Variants in DGKB observed in about 807,000 individuals in gnomAD.
DGKB encodes the protein diacylglycerol kinase beta.
DGKB carries 67 observed loss-of-function variants against 114.3 expected under a neutral mutation model. The observed-to-expected ratio is 0.59, with a 90% CI of 0.48 to 0.72. The LOEUF (loss-of-function observed/expected upper bound fraction) is 0.72. Ranked by LOEUF, DGKB falls within the 30% of genes least tolerant of loss-of-function variation. The pLI, the probability that DGKB is intolerant of heterozygous loss-of-function variation, is 0.00. For missense variants in DGKB, 907 were observed against 975.2 expected (o/e 0.93, Z 0.93); for synonymous variants, 398 against 323.1 (o/e 1.23, Z -2.49).
At chr7:14,284,014 G>A (rs1162586143) in intron 23 of DGKB, among the ~76,000 whole-genome samples, 2 of 152,144 alleles carry the variant, frequency 1.3e-5, no homozygotes, top group African/African-American at 2.4e-5. Context: ...ATTGACAAAT[G>A]GGGTCTAATT....
intron 23 of DGKB, among the ~76,000 whole-genome samples, chr7:14,207,108 A>G (rs578104100): frequency 2.0e-5 from 3 of 152,092 alleles, no homozygotes; most frequent in African/African-American, 7.2e-5. Flanking sequence ...AGCAACTTCT[A>G]TGTTTCAGGA....
rs140365576 is a variant in DGKB at position 14,552,307 on chromosome 7, ACTT to A, written c.1770+21902_1770+21904del. On this transcript the variant is annotated intron_variant, in intron 20 of 25. Transcript: ENST00000402815. The stretch of plus-strand genomic sequence containing the variant: ...ATTTGTGGAATAAACTAATAAATGA[ACTT>A]CTCTGTGATTAAAATATCAAGGAGC... 1.7e-3 allele frequency among the ~76,000 whole-genome samples: 256 copies of A among 152,278 alleles called. 1 individual carries two copies. The highest frequency in any genetic ancestry group is 5.9e-3 in the African/African-American group (247 of 41,550).
intron 2 of DGKB, chr7:14,816,449 A>C (rs1371289224): frequency 1.3e-5 from 2 of 152,226 alleles, no homozygotes; most frequent in Non-Finnish European, 2.9e-5. Flanking sequence ...GAATCCTGGA[A>C]GTTATTGAAA....
Position 14,307,066 on chromosome 7 carries a change from A to G in DGKB, c.2122+31449T>C, listed in dbSNP as rs867310255. Among the ~76,000 whole-genome samples the G allele has an allele frequency of 7.1e-5, 10 of 140,072 alleles. No homozygotes were observed. In the Middle Eastern group the frequency reaches 0.011, roughly 148 times the overall value. 91.9% of individuals were successfully genotyped at this position (140,072 alleles called of 152,430 possible). On this transcript the variant is annotated intron_variant, in intron 23 of 25. Transcript: ENST00000402815. ...ATAGCACTTATCATACTTTATTATA[A>G]TTACCAACTTAATTTTCTTTTCCAC...
chr7:14,209,342 C>G (rs182919997), intron 23 of DGKB: 1 of 403,574 alleles, frequency 2.5e-6, no homozygotes, highest in African/African-American at 2.1e-5. Flanking sequence ...GAGATATATA[C>G]GACAAGATTG....
chr7:14,310,566 G>C (rs1165394528), intron 23 of DGKB, among the ~76,000 whole-genome samples: 1 of 152,156 alleles, frequency 6.6e-6, no homozygotes, highest in Non-Finnish European at 1.5e-5. Context: ...GGATAATCAG[G>C]AGGTTAAGGC....
At chr7:14,391,883 A>G (rs1390945000) in intron 21 of DGKB, among the ~76,000 whole-genome samples, 2 of 152,180 alleles carry the variant, frequency 1.3e-5, no homozygotes, top group African/African-American at 4.8e-5. Context: ...AGACTTTACT[A>G]ATCATATGAA....
At chr7:14,456,377 G>A (rs1832288271) in intron 21 of DGKB, among the ~76,000 whole-genome samples, 1 of 152,002 alleles carries the variant, frequency 6.6e-6, no homozygotes, top group Admixed American at 6.6e-5. Context: ...TATAATATAA[G>A]CTAAAAAACA....
At chr7:14,964,283 T>C (rs888998849) in intron 1 of DGKB, among the ~76,000 whole-genome samples, 5 of 152,132 alleles carry the variant, frequency 3.3e-5, no homozygotes, top group African/African-American at 1.2e-4. Flanking sequence ...GACAGGCAGA[T>C]GGCTTGAGCT....
intron 21 of DGKB, among the ~76,000 whole-genome samples, chr7:14,359,279 A>T (rs1197300339): frequency 2.0e-5 from 3 of 152,164 alleles, no homozygotes; most frequent in Non-Finnish European, 4.4e-5. Flanking sequence ...AGAAAGCGGA[A>T]ACTGGATCCC....
intron 20 of DGKB, among the ~76,000 whole-genome samples, chr7:14,535,279 G>A (rs559165970): frequency 6.6e-6 from 1 of 151,978 alleles, no homozygotes; most frequent in South Asian, 2.1e-4. Context: ...TGAGGCAGCA[G>A]GATTGCTTGA....
At position 14,445,081 on chromosome 7, in the gene DGKB, G is replaced by T. The variant is rs563701206; in HGVS notation, c.1835+33080C>A. Among the ~76,000 whole-genome samples, 16 of 151,764 alleles carry T rather than the reference G, an allele frequency of 1.1e-4. No homozygotes were observed. In the South Asian group the frequency reaches 3.3e-3, roughly 31 times the overall value. The stretch of plus-strand genomic sequence containing the variant: ...CTGTACCACTATTGTTCCCACCTCG[G>T]TCACTTATATATTCTCATTCTTTCT... On this transcript the variant is annotated intron_variant, in intron 21 of 25. Coordinates refer to ENST00000402815, the MANE Select transcript of DGKB (RefSeq NM_001350709.2).
At chr7:14,773,961 G>T (rs740886) in intron 2 of DGKB, among the ~76,000 whole-genome samples, 13,831 of 152,178 alleles carry the variant, frequency 0.091, 865 homozygotes, top group Middle Eastern at 0.17. Flanking sequence ...TTTCCTGAGG[G>T]TGTGGCTTTT....
intron 1 of DGKB, among the ~76,000 whole-genome samples, chr7:14,873,923 T>C (rs1241128043): frequency 6.6e-6 from 1 of 152,114 alleles, no homozygotes; most frequent in Non-Finnish European, 1.5e-5. Context: ...GTATAAAATA[T>C]GGAATAACAA....
intron 15 of DGKB, among the ~76,000 whole-genome samples, chr7:14,619,305 T>A (rs961398137): frequency 4.6e-5 from 7 of 151,632 alleles, no homozygotes; most frequent in African/African-American, 1.7e-4. Context: ...GATGAAACAC[T>A]TCCACAAAGA....
At chr7:14,644,227 A>G (rs1181494062) in intron 13 of DGKB, among the ~76,000 whole-genome samples, 2 of 152,204 alleles carry the variant, frequency 1.3e-5, no homozygotes, top group Non-Finnish European at 2.9e-5. Flanking sequence ...AAAAAGTGTT[A>G]CCCTATGAAA....
At chr7:14,311,615 A>G (rs1407662003) in intron 23 of DGKB, among the ~76,000 whole-genome samples, 11 of 152,090 alleles carry the variant, frequency 7.2e-5, no homozygotes, top group African/African-American at 2.7e-4. Context: ...TTGTAGAGAC[A>G]GAGTTTTGCC....
Position 14,170,159 on chromosome 7 carries a change from AAGAAAG to A in DGKB, c.2304+6674_2304+6679del, listed in dbSNP as rs1562523524. Reference sequence around the variant, plus strand: ...CAAAAAAAAAAAAAAGAAAGAAAGAAAGAAAGAAAGAAAGAAAGAAAGAAAGAAAGA... The same window carrying A: ...CAAAAAAAAAAAAAAGAAAGAAAGAAAAAGAAAGAAAGAAAGAAAGAAAGA... On this transcript the variant is annotated intron_variant, in intron 25 of 25. Transcript: ENST00000402815. Among the ~76,000 whole-genome samples the A allele has an allele frequency of 4.5e-4, 40 of 88,254 alleles. 2 individuals are homozygous for A. Among genetic ancestry groups the A allele is most frequent in the African/African-American group, 2.6e-3 (40 of 15,604 alleles). 57.9% of individuals were successfully genotyped at this position (88,254 alleles called of 152,430 possible). A position where few individuals can be genotyped will look rare whatever the true frequency, so the allele number is the denominator to read the frequency against.
chr7:14,482,293 C>T (rs1446041933), intron 20 of DGKB, among the ~76,000 whole-genome samples: 1 of 151,872 alleles, frequency 6.6e-6, no homozygotes, highest in East Asian at 1.9e-4. Context: ...ATTCATAATA[C>T]CTTCTCCTTT....
Sources: allele counts gnomAD v4.1 joint callset (sites outside exome capture counted in the v4.1 genomes callset), GRCh38; gene constraint gnomAD v4.1.1; transcripts MANE v1.5; gene names NCBI Gene and HGNC (gene_info 2026-07-23, HGNC 2026-07-21).